MYH16: variants seen among roughly 807,000 people sequenced by gnomAD.
MYH16 encodes myosin heavy chain 16, also known as putative uncharacterized protein MYH16.
At chr7:99,249,512 C>A (rs1215491763) in intron 4 of MYH16, among the ~76,000 whole-genome samples, 2 of 142,852 alleles carry the variant, frequency 1.4e-5, no homozygotes, top group Admixed American at 1.4e-4. Flanking sequence ...GCACTCCAGC[C>A]TGGACGACAG....
downstream of MYH16, among the ~76,000 whole-genome samples, chr7:99,308,890 G>T (rs1454720842): frequency 1.3e-5 from 2 of 152,120 alleles, no homozygotes; most frequent in Non-Finnish European, 2.9e-5. Context: ...CCAGAAGTTC[G>T]AGACCAGCCT....
intron 31 of MYH16, among the ~76,000 whole-genome samples, 168 bp downstream of exon 12, chr7:99,291,618 C>CG (rs1159119574): frequency 5.1e-3 from 25 of 4,856 alleles, no homozygotes; most frequent in Middle Eastern, 0.1. Context: ...CACAGCAAGA[C>CG]CCCCCCCCAC....
At chr7:99,256,648 G>T (rs1414617225) in intron 9 of MYH16, among the ~76,000 whole-genome samples, 1 of 152,204 alleles carries the variant, frequency 6.6e-6, no homozygotes, top group East Asian at 1.9e-4. Context: ...GGTGGCGCAT[G>T]CCTGTAATCT....
At chr7:99,304,415 G>A (rs1439909613) in intron 39 of MYH16, among the ~76,000 whole-genome samples, 171 bp from the exon 21 acceptor site, 2 of 152,168 alleles carry the variant, frequency 1.3e-5, no homozygotes, top group African/African-American at 4.8e-5. Flanking sequence ...GGGGCAAAGG[G>A]GAGCATAGAG....
At chr7:99,250,281 G>T (rs1791794585) in intron 5 of MYH16, among the ~76,000 whole-genome samples, 1 of 152,180 alleles carries the variant, frequency 6.6e-6, no homozygotes, top group Admixed American at 6.5e-5. Flanking sequence ...GACTTGTTCT[G>T]CTGCCCCAGG....
intron 17 of MYH16, among the ~76,000 whole-genome samples, chr7:99,266,268 T>C (rs898152717): frequency 1.3e-5 from 2 of 152,180 alleles, no homozygotes; most frequent in African/African-American, 4.8e-5. Context: ...TTGGCTTTCT[T>C]CCCATTCCCC....
chr7:99,273,546 C>T (rs1367705335), intron 20 of MYH16, 123 bp downstream of exon 2: 2 of 395,336 alleles, frequency 5.1e-6, no homozygotes, highest in Non-Finnish European at 1.0e-5. Flanking sequence ...AAAATGAGGG[C>T]ACCTTAGAGA....
chr7:99,305,499 G>A (rs1241481648), intron 40 of MYH16: 2 of 152,286 alleles, frequency 1.3e-5, no homozygotes, highest in African/African-American at 4.8e-5. Context: ...GAGGGAATTT[G>A]AGGCTCAAGA....
downstream of MYH16, chr7:99,310,627 C>G (rs1258019879): frequency 6.6e-6 from 1 of 152,208 alleles, no homozygotes; most frequent in East Asian, 1.9e-4. Context: ...TCCTAGGCAT[C>G]CCAGGGAGCT....
At chr7:99,292,582 G>C (rs1792402889) in intron 32 of MYH16, 74 bp downstream of exon 13, 1 of 437,292 alleles carries the variant, frequency 2.3e-6, no homozygotes, top group Non-Finnish European at 4.6e-6. Flanking sequence ...CACCATGTCA[G>C]TCACTGCTGA....
At chr7:99,248,782 G>T (rs1248998911) in intron 3 of MYH16, among the ~76,000 whole-genome samples, 2 of 152,156 alleles carry the variant, frequency 1.3e-5, no homozygotes, top group Non-Finnish European at 2.9e-5. Context: ...ATAAATTCCT[G>T]ATCCTTTCTG....
chr7:99,308,310 A>C (rs953685078), downstream of MYH16, among the ~76,000 whole-genome samples: 1 of 150,906 alleles, frequency 6.6e-6, no homozygotes, highest in Non-Finnish European at 1.5e-5. Context: ...AAAAAAAAAA[A>C]AAAAAAAAAA....
At chr7:99,249,518 G>A (rs368603565) in intron 4 of MYH16, among the ~76,000 whole-genome samples, 3 of 130,200 alleles carry the variant, frequency 2.3e-5, no homozygotes, top group Admixed American at 1.7e-4. Context: ...CAGCCTGGAC[G>A]ACAGAGCAAG....
intron 40 of MYH16, among the ~76,000 whole-genome samples, chr7:99,305,110 G>C (rs1792662499): frequency 6.6e-6 from 1 of 152,018 alleles, no homozygotes; most frequent in South Asian, 2.1e-4. Context: ...GATTGCTTGA[G>C]CCCAGGAGGT....
chr7:99,279,266 G>A (rs535987779), intron 21 of MYH16, among the ~76,000 whole-genome samples: 49 of 151,484 alleles, frequency 3.2e-4, no homozygotes, highest in African/African-American at 1.0e-3. Flanking sequence ...GGATGAGGTG[G>A]GAGGACTTCT....
chr7:99,304,590 C>T (rs78333512), exon 40 of MYH16: 4,128 of 153,090 alleles, frequency 0.027, 77 homozygotes, highest in South Asian at 0.059. Flanking sequence ...CTGCAGGCTG[C>T]CCGCATGGCA....
intron 14 of MYH16, among the ~76,000 whole-genome samples, chr7:99,263,874 C>A (rs952808078): frequency 4.6e-5 from 7 of 152,140 alleles, no homozygotes; most frequent in African/African-American, 1.4e-4. Context: ...GGATGCTGCC[C>A]CATAGGGTTG....
At chr7:99,259,466 TA>T (rs1464153339) in intron 11 of MYH16, among the ~76,000 whole-genome samples, 2 of 152,006 alleles carry the variant, frequency 1.3e-5, no homozygotes, top group Non-Finnish European at 2.9e-5. Flanking sequence ...TTTGTTTATT[TA>T]TTTTTTTTGA....
At chr7:99,289,453 A>C (rs765902931) in intron 30 of MYH16, 49 bp downstream of exon 11, 6 of 287,942 alleles carry the variant, frequency 2.1e-5, no homozygotes, top group South Asian at 1.5e-4. Context: ...CATGGAAAGG[A>C]ACTGGGATTC....
Sources: allele counts gnomAD v4.1 joint callset (sites outside exome capture counted in the v4.1 genomes callset), GRCh38; gene constraint gnomAD v4.1.1; transcripts MANE v1.5; gene names NCBI Gene and HGNC (gene_info 2026-07-23, HGNC 2026-07-21).